Variants in AMOT observed in about 807,000 individuals in gnomAD.
AMOT encodes the protein angiomotin.
AMOT carries 11 observed loss-of-function variants against 67.0 expected under a neutral mutation model. That is an observed-to-expected ratio of 0.16 (90% CI 0.10 to 0.27). The LOEUF (loss-of-function observed/expected upper bound fraction) is 0.27. AMOT is among the 10% of genes least tolerant of loss of function. The probability of loss-of-function intolerance (pLI) is 1.00; values close to 1 mark genes in which losing one functional copy is unlikely to be tolerated. For missense variants in AMOT, 753 were observed against 852.0 expected (o/e 0.88, Z 1.45); for synonymous variants, 326 against 321.4 (o/e 1.01, Z -0.15).
rs757034081 is a variant in AMOT at position 112,810,579 on chromosome X, G to A, written c.1538-593C>T. On this transcript the variant is annotated intron_variant, in intron 6 of 13. Coordinates refer to ENST00000371959, the MANE Select transcript of AMOT (RefSeq NM_001113490.2). ...AAATTAGCCAGGCATGGTGGCGCAC[G>A]CTGGTAATCCCAGCCAGCTACTCAG... is the stretch of plus-strand genomic sequence containing the variant. Among the ~76,000 whole-genome samples, 5 of 110,463 alleles carry A rather than the reference G, an allele frequency of 4.5e-5. No individual in the cohort carries two copies. In the South Asian group the frequency reaches 1.6e-3, roughly 34 times the overall value.
rs1933001327 is a variant in AMOT, at chrX:112,778,671, G to A, written c.3158-7C>T. The A allele has an allele frequency of 8.5e-7, 1 of 1,172,220 alleles. No individual in the cohort carries two copies. The highest frequency in any genetic ancestry group is 1.2e-6 in the Non-Finnish European group (1 of 866,936). On this transcript the variant is annotated splice_polypyrimidine_tract_variant and splice_region_variant and intron_variant, in intron 13 of 13. Coordinates refer to ENST00000371959, the MANE Select transcript of AMOT (RefSeq NM_001113490.2). ...GAGTGGAACACAGGCCCATCTAAAT[G>A]GAAATAAGGGTTAGAAAACACTTAG...
intron 8 of AMOT, among the ~76,000 whole-genome samples, chrX:112,797,233 T>G (rs112114022): frequency 0.051 from 5,641 of 111,568 alleles, 111 homozygotes; most frequent in Middle Eastern, 0.079. Context: ...CCTCTTTCCT[T>G]TGTCTATCAT....
chrX:112,797,828 A>G (rs1023102270), intron 8 of AMOT, among the ~76,000 whole-genome samples: 2 of 108,969 alleles, frequency 1.8e-5, no homozygotes, highest in African/African-American at 6.7e-5. Flanking sequence ...GAGAGGAAGA[A>G]GAAGGAGAAG....
At chrX:112,787,873 C>T (rs1933421381) in intron 10 of AMOT, among the ~76,000 whole-genome samples, 1 of 111,916 alleles carries the variant, frequency 8.9e-6, no homozygotes, top group African/African-American at 3.2e-5. Flanking sequence ...GAAATTGTTT[C>T]CTTCTTGCTT....
intron 4 of AMOT, among the ~76,000 whole-genome samples, chrX:112,820,678 G>A (rs1289063433): frequency 2.7e-5 from 3 of 111,526 alleles, no homozygotes; most frequent in Non-Finnish European, 5.6e-5. Flanking sequence ...CATACTGATG[G>A]GAAAAGCAAA....
intron 8 of AMOT, among the ~76,000 whole-genome samples, chrX:112,800,579 T>C (rs1933983864): frequency 8.9e-6 from 1 of 112,444 alleles, no homozygotes; most frequent in Non-Finnish European, 1.9e-5. Flanking sequence ...CATATAAATA[T>C]CTATGCCTAT....
At chrX:112,821,896 G>A (rs1934725015) in intron 4 of AMOT, among the ~76,000 whole-genome samples, 1 of 112,435 alleles carries the variant, frequency 8.9e-6, no homozygotes, top group Admixed American at 9.4e-5. Flanking sequence ...TAATTAAAGT[G>A]CAAGGTAATT....
intron 2 of AMOT, among the ~76,000 whole-genome samples, chrX:112,829,477 C>G (rs2064535344): frequency 8.9e-6 from 1 of 111,893 alleles, no homozygotes; most frequent in Non-Finnish European, 1.9e-5. Flanking sequence ...TCCCATAAAG[C>G]CTGCAGAACT....
intron 13 of AMOT, 108 bp downstream of exon 13, chrX:112,778,889 A>C: frequency 1.1e-6 from 1 of 896,315 alleles, no homozygotes; most frequent in Non-Finnish European, 1.6e-6. Flanking sequence ...TAGAACGTGA[A>C]AAACTCAGTC....
chrX:112,822,916 GCTGTTGGTGGTGGT>G lies in AMOT; in HGVS notation c.197_210del (p.Asp66AlafsTer33). On this transcript the variant is annotated frameshift_variant, in exon 4 of 14. Coordinates refer to ENST00000371959, the MANE Select transcript of AMOT (RefSeq NM_001113490.2). LOFTEE classifies it high-confidence loss of function. ...TCTTGTCGAGCAGCATGAGCCACAA[GCTGTTGGTGGTGGT>G]CTTGGGGACTCAACACATCACTCTG... 1 of 1,167,974 alleles carries G rather than the reference GCTGTTGGTGGTGGT, an allele frequency of 8.6e-7. No homozygotes were observed. The highest frequency in any genetic ancestry group is 1.1e-6 in the Non-Finnish European group (1 of 873,093).
chrX:112,785,974 A>T (rs970714554), intron 10 of AMOT, among the ~76,000 whole-genome samples: 1 of 112,373 alleles, frequency 8.9e-6, no homozygotes, highest in Non-Finnish European at 1.9e-5. Flanking sequence ...ATGGGTTTTG[A>T]TTTTAGGTAC....
Position 112,808,419 on chromosome X carries a change from G to A in AMOT, c.1630+1475C>T, listed in dbSNP as rs140749921. On this transcript the variant is annotated intron_variant, in intron 7 of 13. Transcript: ENST00000371959. ...TTCCTGCAGTACATTCCCCAGAGAC[G>A]CTTTTTGAGAGGGCTTTCCTTTCTC... 8.2e-3 allele frequency among the ~76,000 whole-genome samples: 914 copies of A among 111,243 alleles called. 2 individuals carry two copies. Among genetic ancestry groups the A allele is most frequent in the Middle Eastern group, 0.018 (4 of 217 alleles).
Position 112,778,662 on chromosome X carries a change from C to G in AMOT, c.3160G>C (p.Gly1054Arg), listed in dbSNP as rs1015065140. 5.9e-6 allele frequency: 7 copies of G among 1,186,072 alleles called. No individual in the cohort carries two copies. Among genetic ancestry groups the G allele is most frequent in the Non-Finnish European group, 8.0e-6 (7 of 879,534 alleles). The change falls in exon 14 of 14, where the codon GGG (glycine) becomes CGG (arginine). Residue 1054 changes from glycine to arginine, a missense_variant and splice_region_variant. Around this residue, in one of 5 missense-constraint regions of AMOT, gnomAD observed 269 missense variants for 300.9 expected, o/e 0.89. Transcript: ENST00000371959. ...SLTCNPDKTD[G>R]PVFHSNTLER... ...AGAGTATTGGAGTGGAACACAGGCC[C>G]ATCTAAATGGAAATAAGGGTTAGAA...
At chrX:112,791,055 C>A (rs1007386100) in intron 9 of AMOT, among the ~76,000 whole-genome samples, 2 of 110,754 alleles carry the variant, frequency 1.8e-5, no homozygotes, top group Non-Finnish European at 3.8e-5. Context: ...GCCATCCCTG[C>A]CTGCCAGCAT....
At chrX:112,816,464 A>G (rs1393843593) in intron 4 of AMOT, among the ~76,000 whole-genome samples, 1 of 112,130 alleles carries the variant, frequency 8.9e-6, no homozygotes, top group Non-Finnish European at 1.9e-5. Context: ...GAGACACTAA[A>G]TGATTATTGT....
chrX:112,823,498 C>G (rs1217134707), intron 3 of AMOT, among the ~76,000 whole-genome samples: 1 of 111,492 alleles, frequency 9.0e-6, no homozygotes, highest in Non-Finnish European at 1.9e-5. Context: ...GGTAACTTTT[C>G]AAGGTCCATA....
rs1486083056 is a variant in AMOT, at chrX:112,778,997, C to G, written c.3157G>C (p.Asp1053His). The change falls in exon 13 of 14, where the codon GAT (aspartate) becomes CAT (histidine). Residue 1053 changes from aspartate (D) to histidine (H), a missense_variant and splice_region_variant. Coordinates refer to ENST00000371959, the MANE Select transcript of AMOT (RefSeq NM_001113490.2). ...CCTACCTGCTAAAGGGAATAATTACCTGTTTTGTCTGGATTGCAGGTCAAA... is the reference window on the plus strand; with the variant it reads ...CCTACCTGCTAAAGGGAATAATTACGTGTTTTGTCTGGATTGCAGGTCAAA... The part of the protein sequence containing the change: ...PSLTCNPDKT[D>H]GPVFHSNTLE... The G allele has an allele frequency of 8.3e-7, 1 of 1,206,608 alleles. No individual in the cohort carries two copies. The highest frequency in any genetic ancestry group is 1.1e-6 in the Non-Finnish European group (1 of 892,354).
chrX:112,783,265 A>T (rs775842578), intron 10 of AMOT, among the ~76,000 whole-genome samples: 1 of 105,852 alleles, frequency 9.4e-6, no homozygotes, highest in East Asian at 3.0e-4. Flanking sequence ...ACTACACTCC[A>T]GCCTAGGCAA....
chrX:112,807,858 T>C (rs892241001), intron 7 of AMOT, among the ~76,000 whole-genome samples: 1 of 112,083 alleles, frequency 8.9e-6, no homozygotes, highest in Non-Finnish European at 1.9e-5. Flanking sequence ...ACACTAATTT[T>C]TAGTATGAGA....
Sources: gnomAD v4.1 joint callset for allele counts (sites outside exome capture counted in the v4.1 genomes callset) on GRCh38, gnomAD v4.1.1 for gene constraint, gnomAD v4.1.1 regional missense constraint, MANE v1.5 for transcripts, NCBI Gene and HGNC (gene_info 2026-07-23, HGNC 2026-07-21) for gene names.